The following CADM2 variants were observed in gnomAD, a reference collection of about 807,000 sequenced individuals.
The protein encoded by CADM2 is immunoglobulin superfamily member 4D.
CADM2 carries 12 observed loss-of-function variants against 49.8 expected under a neutral mutation model. The ratio of observed to expected loss-of-function variants is 0.24; its 90% CI spans 0.15 to 0.39. The LOEUF (loss-of-function observed/expected upper bound fraction) is 0.39. Ranked by LOEUF, CADM2 falls within the 10% of genes least tolerant of loss-of-function variation. CADM2 has a pLI of 1.00. For synonymous variants in CADM2, 214 were observed against 175.4 expected, an observed-to-expected ratio of 1.22 and a Z score of -1.74; for missense variants, 378 against 492.3, an observed-to-expected ratio of 0.77 and a Z score of 2.20.
At chr3:85,493,885 T>C (rs942857187) in intron 1 of CADM2, among the ~76,000 whole-genome samples, 1 of 152,204 alleles carries the variant, frequency 6.6e-6, no homozygotes, top group Non-Finnish European at 1.5e-5. Flanking sequence ...AAATAGAATG[T>C]AATTTTTTAT....
chr3:85,221,808 C>T (rs2107793191), intron 1 of CADM2, among the ~76,000 whole-genome samples: 1 of 152,270 alleles, frequency 6.6e-6, no homozygotes, highest in Admixed American at 6.5e-5. Context: ...CAAGGCATGA[C>T]ATCTTTGATG....
At chr3:86,014,148 G>C (rs1731906469) in intron 8 of CADM2, 2 of 1,285,034 alleles carry the variant, frequency 1.6e-6, no homozygotes, top group South Asian at 1.6e-5. Context: ...TGAAATTTTG[G>C]TGGAACTCCT....
chr3:85,174,943 CT>C (rs950611953), intron 1 of CADM2, among the ~76,000 whole-genome samples: 2 of 151,992 alleles, frequency 1.3e-5, no homozygotes, highest in African/African-American at 4.8e-5. Context: ...AACAAGCAAA[CT>C]TTTTTTTAGT....
chr3:85,526,391 T>TAC (rs1481342547), intron 1 of CADM2, among the ~76,000 whole-genome samples: 3 of 152,124 alleles, frequency 2.0e-5, no homozygotes, highest in African/African-American at 7.2e-5. Flanking sequence ...ATATCAAATA[T>TAC]ACACACACAC....
At chr3:85,504,454 G>T (rs2040237778) in intron 1 of CADM2, among the ~76,000 whole-genome samples, 1 of 152,200 alleles carries the variant, frequency 6.6e-6, no homozygotes, top group South Asian at 2.1e-4. Context: ...TGCTCGGGCA[G>T]CCTGCTGTTA....
At chr3:85,753,615 C>T (rs2068966400) in intron 2 of CADM2, among the ~76,000 whole-genome samples, 1 of 152,090 alleles carries the variant, frequency 6.6e-6, no homozygotes. Flanking sequence ...CAGCTCTATG[C>T]CTCTTCATGG....
At chr3:85,813,513 C>A (rs975293832) in intron 3 of CADM2, among the ~76,000 whole-genome samples, 1 of 151,812 alleles carries the variant, frequency 6.6e-6, no homozygotes, top group Non-Finnish European at 1.5e-5. Context: ...ATTATAGTTT[C>A]TTTTGCTGTG....
intron 1 of CADM2, among the ~76,000 whole-genome samples, chr3:85,237,478 T>C (rs1178438641): frequency 6.6e-6 from 1 of 151,624 alleles, no homozygotes; most frequent in Non-Finnish European, 1.5e-5. Context: ...CTATATATAA[T>C]GAAAAATATT....
chr3:85,930,532 AT>A (rs1336445374), intron 6 of CADM2, among the ~76,000 whole-genome samples: 1 of 152,058 alleles, frequency 6.6e-6, no homozygotes, highest in Non-Finnish European at 1.5e-5. Flanking sequence ...GTGCTATCAA[AT>A]AGTAGGTCTT....
intron 1 of CADM2, among the ~76,000 whole-genome samples, chr3:85,408,488 C>G (rs2035505757): frequency 6.6e-6 from 1 of 152,148 alleles, no homozygotes; most frequent in African/African-American, 2.4e-5. Context: ...TTTGATGTTG[C>G]AAAAGCAGAA....
rs72175865 is a variant in CADM2 at position 85,465,148 on chromosome 3, T to TCAAAA, written c.62-261355_62-261351dup. ...CTGGGAGACAGAACGAGACTCTGTC[T>TCAAAA]CAAAACAAAACAAAACAAAACAACA... On this transcript the variant is annotated intron_variant, in intron 1 of 9. Coordinates refer to ENST00000383699, the MANE Select transcript of CADM2 (RefSeq NM_001167675.2). Among the ~76,000 whole-genome samples, 26 of 152,052 alleles carry TCAAAA rather than the reference T, an allele frequency of 1.7e-4. 1 individual carries two copies. The highest frequency in any genetic ancestry group is 3.4e-4 in the African/African-American group (14 of 41,384).
chr3:85,979,204 C>T, intron 8 of CADM2: 2 of 1,610,980 alleles, frequency 1.2e-6, no homozygotes, highest in Admixed American at 1.7e-5. Flanking sequence ...TCATCCCCTC[C>T]CTTACCACTG....
intron 1 of CADM2, among the ~76,000 whole-genome samples, chr3:85,408,985 A>C (rs1047141789): frequency 5.3e-5 from 8 of 152,196 alleles, no homozygotes; most frequent in African/African-American, 1.9e-4. Flanking sequence ...CAAGCTCTCC[A>C]GAAGTCCTTT....
chr3:86,066,627 C>A (rs762944643), intron 9 of CADM2, 38 bp from the exon 10 acceptor site: 3 of 1,450,338 alleles, frequency 2.1e-6, no homozygotes, highest in South Asian at 2.3e-5. Context: ...TTTTACCAGT[C>A]TCACAGAGCT....
chr3:84,976,205 T>C (rs933767123), intron 1 of CADM2, among the ~76,000 whole-genome samples: 1 of 151,810 alleles, frequency 6.6e-6, no homozygotes, highest in Non-Finnish European at 1.5e-5. Flanking sequence ...TTATGAAAGG[T>C]ATTTGTGAAT....
intron 1 of CADM2, among the ~76,000 whole-genome samples, chr3:85,085,363 A>G (rs772234696): frequency 2.0e-5 from 3 of 152,092 alleles, no homozygotes; most frequent in Non-Finnish European, 4.4e-5. Context: ...CTCTAGGTTC[A>G]TAGTTGTTGT....
At chr3:85,988,183 A>G (rs1227499420) in intron 8 of CADM2, among the ~76,000 whole-genome samples, 3 of 152,200 alleles carry the variant, frequency 2.0e-5, no homozygotes, top group African/African-American at 4.8e-5. Context: ...TGGAATTCCA[A>G]TAAGTGTTCA....
intron 2 of CADM2, among the ~76,000 whole-genome samples, chr3:85,766,593 T>C (rs2069668133): frequency 6.6e-6 from 1 of 152,210 alleles, no homozygotes. Flanking sequence ...CATTTTAGTT[T>C]TGTGATGCTG....
At chr3:85,573,011 A>AT (rs146247781) in intron 1 of CADM2, among the ~76,000 whole-genome samples, 6,534 of 152,222 alleles carry the variant, frequency 0.043, 469 homozygotes, top group African/African-American at 0.15. Flanking sequence ...TCGTGTATAC[A>AT]TAAGATGCAG....
Sources: gnomAD v4.1 joint callset for allele counts (sites outside exome capture counted in the v4.1 genomes callset) on GRCh38, gnomAD v4.1.1 for gene constraint, MANE v1.5 for transcripts, NCBI Gene and HGNC (gene_info 2026-07-23, HGNC 2026-07-21) for gene names.